Variants in DCLK1 observed in about 807,000 individuals in gnomAD.
The protein encoded by DCLK1 is doublecortin like kinase 1, also known as serine/threonine-protein kinase DCLK1.
In DCLK1, 16 loss-of-function variants were observed where a neutral mutation model predicts 86.2. The ratio of observed to expected loss-of-function variants is 0.19; its 90% CI spans 0.13 to 0.28. DCLK1 has a LOEUF of 0.28. Ranked by LOEUF, DCLK1 falls within the 10% of genes least tolerant of loss-of-function variation. The pLI, the probability that DCLK1 is intolerant of heterozygous loss-of-function variation, is 1.00. For synonymous variants in DCLK1, 369 were observed against 370.5 expected (o/e 1.00, Z 0.05); for missense variants, 590 against 940.2 (o/e 0.63, Z 4.87).
At chr13:35,783,370 AAGC>A (rs1051552041) in intron 16 of DCLK1, among the ~76,000 whole-genome samples, 1 of 152,076 alleles carries the variant, frequency 6.6e-6, no homozygotes, top group Admixed American at 6.5e-5. Context: ...ACTTTTGCAC[AAGC>A]AGCTAATTTA....
At chr13:35,974,179 G>A (rs1180149368) in intron 3 of DCLK1, among the ~76,000 whole-genome samples, 1 of 152,156 alleles carries the variant, frequency 6.6e-6, no homozygotes, top group Non-Finnish European at 1.5e-5. Flanking sequence ...GAGATCACAG[G>A]CCTAATTGAG....
At chr13:35,858,260 G>A (rs1320151228) in intron 5 of DCLK1, among the ~76,000 whole-genome samples, 1 of 152,110 alleles carries the variant, frequency 6.6e-6, no homozygotes, top group African/African-American at 2.4e-5. Flanking sequence ...AAATGTAAGA[G>A]GTAAAAACTA....
chr13:35,769,076 A>G lies in DCLK1; in HGVS notation c.*5459T>C, dbSNP rs2086282147. On this transcript the variant is annotated 3_prime_UTR_variant, in exon 17 of 17. Transcript: ENST00000360631. ...AAAGCTCAGTTGATAAATGAACATA[A>G]TATATCACAGATGATTTCATTCCAC... 6.6e-6 allele frequency: 1 copy of G among 152,262 alleles called. No individual in the cohort carries two copies. The highest frequency in any genetic ancestry group is 1.5e-5 in the Non-Finnish European group (1 of 68,034). The allele number at this position is 152,262 out of a possible 1,614,324, so 9.4% of individuals were successfully genotyped here.
At chr13:35,870,458 T>C (rs1346897781) in intron 5 of DCLK1, among the ~76,000 whole-genome samples, 1 of 152,028 alleles carries the variant, frequency 6.6e-6, no homozygotes, top group Non-Finnish European at 1.5e-5. Context: ...GCCCCAGAGG[T>C]CTTTATTCTT....
chr13:36,003,076 T>C (rs534463207), intron 3 of DCLK1, among the ~76,000 whole-genome samples: 29 of 152,330 alleles, frequency 1.9e-4, no homozygotes, highest in African/African-American at 6.7e-4. Flanking sequence ...CTAAACTATC[T>C]GATCTTATCT....
intron 7 of DCLK1, among the ~76,000 whole-genome samples, chr13:35,836,954 C>A (rs1030163550): frequency 1.3e-5 from 2 of 152,144 alleles, no homozygotes; most frequent in Non-Finnish European, 2.9e-5. Context: ...TGTAAAAAGT[C>A]TTTTATAGCT....
At chr13:35,893,781 T>A (rs1873785432) in intron 4 of DCLK1, among the ~76,000 whole-genome samples, 1 of 152,220 alleles carries the variant, frequency 6.6e-6, no homozygotes, top group Non-Finnish European at 1.5e-5. Flanking sequence ...ACACATTATT[T>A]TTTTCCTGTA....
At chr13:36,103,520 A>C (rs1376076927) in intron 3 of DCLK1, among the ~76,000 whole-genome samples, 1 of 152,120 alleles carries the variant, frequency 6.6e-6, no homozygotes, top group Non-Finnish European at 1.5e-5. Flanking sequence ...CATTTCCTTC[A>C]AAATTCTTTA....
intron 4 of DCLK1, among the ~76,000 whole-genome samples, chr13:35,911,180 G>A (rs1321429709): frequency 6.7e-6 from 1 of 149,762 alleles, no homozygotes; most frequent in African/African-American, 2.5e-5. Flanking sequence ...TGTAGTCCAA[G>A]CTACTTGGGA....
intron 4 of DCLK1, among the ~76,000 whole-genome samples, chr13:35,920,136 T>G (rs1875710744): frequency 6.6e-6 from 1 of 152,220 alleles, no homozygotes; most frequent in South Asian, 2.1e-4. Context: ...GATAAATTCC[T>G]TCTCCTGATA....
chr13:36,027,512 C>A (rs1001797240), intron 3 of DCLK1, among the ~76,000 whole-genome samples: 7 of 152,152 alleles, frequency 4.6e-5, no homozygotes. Flanking sequence ...GGAAATATTA[C>A]AGAGCTTTGG....
At chr13:35,810,407 C>A (rs2087118453) in intron 12 of DCLK1, among the ~76,000 whole-genome samples, 1 of 152,134 alleles carries the variant, frequency 6.6e-6, no homozygotes, top group Non-Finnish European at 1.5e-5. Context: ...TCAATGGATC[C>A]CCAAGAGGTC....
chr13:35,973,410 C>T (rs1879165172), intron 3 of DCLK1, among the ~76,000 whole-genome samples: 1 of 152,164 alleles, frequency 6.6e-6, no homozygotes, highest in South Asian at 2.1e-4. Context: ...GAAGCTCTCC[C>T]CTGCACCTCG....
At chr13:35,861,692 C>A (rs1036314215) in intron 5 of DCLK1, among the ~76,000 whole-genome samples, 20 of 152,152 alleles carry the variant, frequency 1.3e-4, no homozygotes, top group African/African-American at 4.6e-4. Flanking sequence ...TGTCCCTGTA[C>A]TCTTACTGTT....
intron 3 of DCLK1, among the ~76,000 whole-genome samples, chr13:35,990,614 A>G (rs1880178927): frequency 6.6e-6 from 1 of 152,068 alleles, no homozygotes; most frequent in African/African-American, 2.4e-5. Flanking sequence ...ATAGATACAG[A>G]GTGTAGGACT....
At chr13:36,112,724 C>T (rs1234784666) in intron 2 of DCLK1, among the ~76,000 whole-genome samples, 1 of 152,152 alleles carries the variant, frequency 6.6e-6, no homozygotes, top group African/African-American at 2.4e-5. Context: ...GTTCCAAAAG[C>T]AAGCAAATAA....
chr13:35,882,734 T>G (rs1350835660), intron 4 of DCLK1, among the ~76,000 whole-genome samples: 2 of 151,964 alleles, frequency 1.3e-5, no homozygotes, highest in African/African-American at 4.8e-5. Context: ...AACGTTCTGT[T>G]CATACCTCCA....
At chr13:36,085,123 C>T (rs936469635) in intron 3 of DCLK1, among the ~76,000 whole-genome samples, 4 of 152,100 alleles carry the variant, frequency 2.6e-5, no homozygotes, top group African/African-American at 4.8e-5. Context: ...ATTTTTATCT[C>T]CAAATTATGT....
At chr13:36,015,687 A>T (rs1188189808) in intron 3 of DCLK1, among the ~76,000 whole-genome samples, 1 of 152,008 alleles carries the variant, frequency 6.6e-6, no homozygotes, top group Non-Finnish European at 1.5e-5. Flanking sequence ...CCATACTACC[A>T]ATCTAGGGCT....
Sources: allele counts gnomAD v4.1 joint callset (sites outside exome capture counted in the v4.1 genomes callset), GRCh38; gene constraint gnomAD v4.1.1; transcripts MANE v1.5; gene names NCBI Gene and HGNC (gene_info 2026-07-23, HGNC 2026-07-21).